ETV1: variants seen among roughly 807,000 people sequenced by gnomAD.
ETV1 encodes ETS translocation variant 1.
A neutral mutation model predicts 62.3 loss-of-function variants in ETV1; 27 were observed. The ratio of observed to expected loss-of-function variants is 0.43; its 90% CI spans 0.32 to 0.60. The LOEUF is 0.60. ETV1 is among the 20% of genes least tolerant of loss of function. The pLI is 0.06. For synonymous variants in ETV1, 222 were observed against 199.6 expected (o/e 1.11, Z -0.94); for missense variants, 605 against 605.8 (o/e 1.00, Z 0.01).
intron 6 of ETV1, among the ~76,000 whole-genome samples, chr7:13,972,054 G>A (rs1377426465): frequency 6.6e-6 from 1 of 152,086 alleles, no homozygotes; most frequent in Non-Finnish European, 1.5e-5. Flanking sequence ...GAGTTGCAGT[G>A]AGCCGAGATC....
chr7:13,897,392 T>C (rs575014118), intron 13 of ETV1, among the ~76,000 whole-genome samples: 1 of 152,362 alleles, frequency 6.6e-6, no homozygotes, highest in Non-Finnish European at 1.5e-5. Context: ...GCTGCTGCTC[T>C]GAATTCAAAT....
intron 8 of ETV1, among the ~76,000 whole-genome samples, chr7:13,934,852 A>G (rs1415388826): frequency 6.6e-6 from 1 of 152,154 alleles, no homozygotes; most frequent in Non-Finnish European, 1.5e-5. Flanking sequence ...AGACCCAGCA[A>G]AAGCTACTGA....
chr7:13,952,386 A>T (rs967875097), intron 6 of ETV1, among the ~76,000 whole-genome samples: 3 of 152,210 alleles, frequency 2.0e-5, no homozygotes, highest in Non-Finnish European at 4.4e-5. Context: ...AGGGCATAAC[A>T]TTCTAAAGCC....
intron 8 of ETV1, among the ~76,000 whole-genome samples, chr7:13,933,742 G>GACTGGCCAGCTGGT (rs1292868146): frequency 6.6e-6 from 1 of 152,182 alleles, no homozygotes; most frequent in African/African-American, 2.4e-5. Context: ...ATTTTCCTGG[G>GACTGGCCAGCTGGT]ACTGGCCAGC....
intron 9 of ETV1, among the ~76,000 whole-genome samples, chr7:13,920,808 G>T (rs6974152): frequency 0.054 from 8,160 of 152,198 alleles, 245 homozygotes; most frequent in South Asian, 0.11. Context: ...TGATTTGGGA[G>T]ATTTGCAATT....
Position 13,989,575 on chromosome 7 carries a change from C to T in ETV1, c.-297G>A. 2.5e-6 allele frequency: 1 copy of T among 399,092 alleles called. No homozygotes were observed. The highest frequency in any genetic ancestry group is 4.4e-6 in the Non-Finnish European group (1 of 226,136). The allele number at this position is 399,092 out of a possible 1,614,324, so 24.7% of individuals were successfully genotyped here. On this transcript the variant is annotated 5_prime_UTR_variant, in exon 1 of 14. Coordinates refer to ENST00000430479, the MANE Select transcript of ETV1 (RefSeq NM_004956.5). ...TGGAAAGACCCACCTGAAGGCCACG[C>T]TAGGCGAAAGGCTGCAAAAACTTCC...
intron 9 of ETV1, among the ~76,000 whole-genome samples, chr7:13,918,896 C>T (rs1784512487): frequency 7.7e-6 from 1 of 130,374 alleles, no homozygotes; most frequent in Non-Finnish European, 1.7e-5. Flanking sequence ...AAAAGAAGTT[C>T]AGCAAGACTG....
rs569115563 is a variant in ETV1, at chr7:13,923,607, T to A, written c.802+7895A>T. On this transcript the variant is annotated intron_variant, in intron 9 of 13. Coordinates refer to ENST00000430479, the MANE Select transcript of ETV1 (RefSeq NM_004956.5). ...TCTGCCTACACATAATTTTTCGATGTGCTAAGGACAGATAACCGTTCTCTA... is the reference window on the plus strand; with the variant it reads ...TCTGCCTACACATAATTTTTCGATGAGCTAAGGACAGATAACCGTTCTCTA... Among the ~76,000 whole-genome samples, 35 of 152,312 alleles carry A rather than the reference T, an allele frequency of 2.3e-4. No individual in the cohort carries two copies. The South Asian group carries it at 7.2e-3, about 32-fold the overall frequency.
chr7:13,983,189 T>A (rs1482896542), intron 5 of ETV1, among the ~76,000 whole-genome samples: 1 of 151,986 alleles, frequency 6.6e-6, no homozygotes, highest in Non-Finnish European at 1.5e-5. Context: ...AGAATATTGT[T>A]GATGAAAGTG....
intron 6 of ETV1, among the ~76,000 whole-genome samples, chr7:13,971,869 G>T (rs1780939204): frequency 6.6e-6 from 1 of 152,148 alleles, no homozygotes; most frequent in African/African-American, 2.4e-5. Flanking sequence ...CCAGCACTTT[G>T]GGAAGCTAAG....
At chr7:13,928,934 G>A (rs1785762003) in intron 9 of ETV1, among the ~76,000 whole-genome samples, 1 of 152,070 alleles carries the variant, frequency 6.6e-6, no homozygotes, top group African/African-American at 2.4e-5. Context: ...CTCAAGCCTG[G>A]GCGACAGAGC....
intron 6 of ETV1, among the ~76,000 whole-genome samples, chr7:13,953,367 G>A (rs1789046956): frequency 6.6e-6 from 1 of 152,156 alleles, no homozygotes; most frequent in South Asian, 2.1e-4. Context: ...CCACTTTGCT[G>A]TAATAGGGAC....
At chr7:13,942,058 C>T (rs1329334987) in intron 6 of ETV1, among the ~76,000 whole-genome samples, 3 of 125,490 alleles carry the variant, frequency 2.4e-5, no homozygotes, top group Non-Finnish European at 4.7e-5. Context: ...GAGTCTCACT[C>T]TTTCGCCCAG....
chr7:13,986,272 G>A (rs1271127776), intron 5 of ETV1: 25 of 1,513,878 alleles, frequency 1.7e-5, no homozygotes, highest in Non-Finnish European at 2.2e-5. Context: ...AAAGGAAACA[G>A]CAAGCCAGCC....
In ETV1 at chr7:13,989,387, C is replaced by T. The variant is rs1782855025; in HGVS notation, c.-207G>A. 6 of 473,824 alleles carry T rather than the reference C, an allele frequency of 1.3e-5. No homozygotes were observed. In the South Asian group the frequency reaches 2.7e-4, roughly 21 times the overall value. The allele number at this position is 473,824 out of a possible 1,614,324, so 29.4% of individuals were successfully genotyped here. ...GATGTTTCCCTGCGCGGTCGGTGTA[C>T]CCCGGGCAGCTCTGATTCGCAAACG... On this transcript the variant is annotated 5_prime_UTR_variant, in exon 2 of 14. Coordinates refer to ENST00000430479, the MANE Select transcript of ETV1 (RefSeq NM_004956.5).
intron 6 of ETV1, among the ~76,000 whole-genome samples, chr7:13,953,871 CAG>C (rs1392051145): frequency 1.1e-4 from 16 of 152,110 alleles, no homozygotes; most frequent in Admixed American, 1.0e-3. Context: ...AGATCATAAA[CAG>C]ACGATAGTGG....
At chr7:13,991,327 CCTT>C (rs1782992767), upstream of ETV1, 2 of 152,322 alleles carry the variant, frequency 1.3e-5, no homozygotes, top group South Asian at 2.1e-4. Context: ...TTTCCAAAGA[CCTT>C]CTCTGCAGCC....
At chr7:13,943,730 A>G (rs987644746) in intron 6 of ETV1, among the ~76,000 whole-genome samples, 2 of 152,192 alleles carry the variant, frequency 1.3e-5, no homozygotes, top group African/African-American at 4.8e-5. Context: ...CACAGGTACA[A>G]AGTTACGGAA....
chr7:13,960,873 G>A (rs1790084056), intron 6 of ETV1, among the ~76,000 whole-genome samples: 2 of 152,158 alleles, frequency 1.3e-5, no homozygotes, highest in African/African-American at 2.4e-5. Context: ...ATCATATGCT[G>A]GGAGTGGTGG....
Sources: gnomAD v4.1 joint callset for allele counts (sites outside exome capture counted in the v4.1 genomes callset) on GRCh38, gnomAD v4.1.1 for gene constraint, MANE v1.5 for transcripts, NCBI Gene and HGNC (gene_info 2026-07-23, HGNC 2026-07-21) for gene names.